FBXW7: variants seen among roughly 807,000 people sequenced by gnomAD.
The protein encoded by FBXW7 is F-box and WD repeat domain containing 7.
A neutral mutation model predicts 86.3 loss-of-function variants in FBXW7; 11 were observed. The observed-to-expected ratio is 0.13, with a 90% CI of 0.08 to 0.21. The LOEUF is 0.21. FBXW7 is among the 10% of genes least tolerant of loss of function. The probability of loss-of-function intolerance (pLI) is 1.00; values close to 1 mark genes in which losing one functional copy is unlikely to be tolerated. For missense variants in FBXW7, 488 were observed against 847.4 expected, an observed-to-expected ratio of 0.58 and a Z score of 5.27; for synonymous variants, 313 against 297.9, an observed-to-expected ratio of 1.05 and a Z score of -0.52.
intron 2 of FBXW7, among the ~76,000 whole-genome samples, chr4:152,428,563 C>T (rs74812192): frequency 0.014 from 2,102 of 152,228 alleles, 27 homozygotes; most frequent in Middle Eastern, 0.038. Context: ...TGCGAGGCAG[C>T]GTAGCACAGG....
chr4:152,470,112 T>G (rs1743815800), intron 2 of FBXW7, among the ~76,000 whole-genome samples: 1 of 152,052 alleles, frequency 6.6e-6, no homozygotes, highest in Non-Finnish European at 1.5e-5. Flanking sequence ...TAAAACAGTT[T>G]AAAATCCAAA....
At chr4:152,513,484 G>A (rs556071679) in intron 2 of FBXW7, among the ~76,000 whole-genome samples, 2 of 152,244 alleles carry the variant, frequency 1.3e-5, no homozygotes, top group Non-Finnish European at 2.9e-5. Context: ...TTTAAACAAA[G>A]AGGTAAAAGA....
At position 152,535,540 on chromosome 4, in the gene FBXW7, C is replaced by G. The variant is rs1750460823; in HGVS notation, c.-626G>C. On this transcript the variant is annotated 5_prime_UTR_variant, in exon 1 of 14. Transcript: ENST00000281708. ...CTTGGTTGGGGCCCCGGTTCATACACTCCGGGGCAAGATGCTACGGCCCCG... is the reference window on the plus strand; with the variant it reads ...CTTGGTTGGGGCCCCGGTTCATACAGTCCGGGGCAAGATGCTACGGCCCCG... The G allele has an allele frequency of 2.5e-6, 1 of 396,074 alleles. No homozygotes were observed. Among genetic ancestry groups the G allele is most frequent in the African/African-American group, 2.1e-5 (1 of 48,442 alleles). 24.5% of individuals were successfully genotyped at this position (396,074 alleles called of 1,614,324 possible).
intron 2 of FBXW7, among the ~76,000 whole-genome samples, chr4:152,461,514 CTG>C (rs1742942372): frequency 6.6e-6 from 1 of 152,128 alleles, no homozygotes; most frequent in African/African-American, 2.4e-5. Flanking sequence ...AGAGGGGTGA[CTG>C]TATTTTTCTT....
At chr4:152,409,325 G>C (rs937892728) in intron 4 of FBXW7, among the ~76,000 whole-genome samples, 1 of 151,968 alleles carries the variant, frequency 6.6e-6, no homozygotes, top group Non-Finnish European at 1.5e-5. Flanking sequence ...TATGGTCTAG[G>C]GTAACATCTG....
At chr4:152,461,140 C>A (rs1394010668) in intron 2 of FBXW7, among the ~76,000 whole-genome samples, 1 of 152,062 alleles carries the variant, frequency 6.6e-6, no homozygotes, top group Non-Finnish European at 1.5e-5. Flanking sequence ...CAAAAATTAG[C>A]CAGACATGTT....
intron 4 of FBXW7, among the ~76,000 whole-genome samples, chr4:152,373,777 GGTTT>G (rs1030855239): frequency 1.8e-4 from 28 of 152,102 alleles, no homozygotes; most frequent in African/African-American, 6.5e-4. Context: ...GTACTATAAT[GGTTT>G]GTTTGTAGTT....
intron 2 of FBXW7, among the ~76,000 whole-genome samples, chr4:152,519,704 G>A (rs1357271965): frequency 6.6e-6 from 1 of 152,182 alleles, no homozygotes; most frequent in African/African-American, 2.4e-5. Context: ...ACTGGGAATT[G>A]CTTCTTCACG....
chr4:152,503,646 T>TAAA (rs59515223), intron 2 of FBXW7, among the ~76,000 whole-genome samples: 1 of 142,332 alleles, frequency 7.0e-6, no homozygotes, highest in Non-Finnish European at 1.5e-5. Context: ...TATGTAGCTG[T>TAAA]AAAAAAAAAA....
chr4:152,456,987 G>T (rs1379507642), intron 2 of FBXW7, among the ~76,000 whole-genome samples: 1 of 151,898 alleles, frequency 6.6e-6, no homozygotes. Flanking sequence ...AATGGAAATG[G>T]GCAAAAAATA....
intron 4 of FBXW7, among the ~76,000 whole-genome samples, chr4:152,397,695 C>CAAAAAAAAAAAAAAAAA (rs397995836): frequency 3.3e-5 from 2 of 60,406 alleles, no homozygotes; most frequent in African/African-American, 1.1e-4. Context: ...CCTAAGAAGC[C>CAAAAAAAAAAAAAAAAA]AAAAAAAAAA....
intron 3 of FBXW7, 112 bp from the exon 4 acceptor site, chr4:152,411,984 A>C: frequency 1.0e-6 from 1 of 995,356 alleles, no homozygotes; most frequent in Non-Finnish European, 1.4e-6. Flanking sequence ...AAAAGTATTG[A>C]TGCCACCAAG....
chr4:152,441,889 A>G (rs950263068), intron 2 of FBXW7, among the ~76,000 whole-genome samples: 1 of 152,218 alleles, frequency 6.6e-6, no homozygotes, highest in Non-Finnish European at 1.5e-5. Context: ...TTTAAAAATT[A>G]AACCTGTTTC....
chr4:152,475,503 A>G (rs1320005924), intron 2 of FBXW7, among the ~76,000 whole-genome samples: 1 of 152,224 alleles, frequency 6.6e-6, no homozygotes, highest in Non-Finnish European at 1.5e-5. Context: ...ACCTCTATTC[A>G]GCATTGTCCT....
At chr4:152,459,413 T>C (rs1742732540) in intron 2 of FBXW7, among the ~76,000 whole-genome samples, 1 of 152,170 alleles carries the variant, frequency 6.6e-6, no homozygotes, top group Admixed American at 6.5e-5. Flanking sequence ...CATAGCCAAA[T>C]CAGCTACAAC....
rs182448690 is a variant in FBXW7, at chr4:152,453,012, G to A, written c.-119-40483C>T. Among the ~76,000 whole-genome samples, 335 of 151,984 alleles carry A rather than the reference G, an allele frequency of 2.2e-3. 6 individuals carry two copies. Among genetic ancestry groups the A allele is most frequent in the Non-Finnish European group, 5.6e-4 (38 of 67,944 alleles). On this transcript the variant is annotated intron_variant, in intron 2 of 13. Coordinates refer to ENST00000281708, the MANE Select transcript of FBXW7 (RefSeq NM_001349798.2). The stretch of plus-strand genomic sequence containing the variant: ...GCCTGGCCAACATGGTGAAACCCCC[G>A]TCTCAACTAAAAATACAAAAAATTA...
intron 4 of FBXW7, among the ~76,000 whole-genome samples, chr4:152,373,244 A>G: frequency 6.6e-6 from 1 of 152,016 alleles, no homozygotes; most frequent in East Asian, 1.9e-4. Flanking sequence ...AATACAATAC[A>G]ACGTACTTCA....
chr4:152,440,362 T>G (rs61193772), intron 2 of FBXW7, among the ~76,000 whole-genome samples: 2,438 of 152,290 alleles, frequency 0.016, 75 homozygotes, highest in African/African-American at 0.056. Flanking sequence ...AAGCAGTACA[T>G]ACTGTCCCTG....
chr4:152,333,692 A>AT (rs1230045989), intron 7 of FBXW7, among the ~76,000 whole-genome samples: 3 of 152,140 alleles, frequency 2.0e-5, no homozygotes, highest in South Asian at 2.1e-4. Context: ...AATTTTAATT[A>AT]TTTTTTGATG....
Sources: gnomAD v4.1 joint callset for allele counts (sites outside exome capture counted in the v4.1 genomes callset) on GRCh38, gnomAD v4.1.1 for gene constraint, MANE v1.5 for transcripts, NCBI Gene and HGNC (gene_info 2026-07-23, HGNC 2026-07-21) for gene names.